The following NTN4 variants were observed in gnomAD, a reference collection of about 807,000 sequenced individuals.
NTN4 encodes the protein netrin-4.
Under a neutral mutation model 73.6 loss-of-function variants are expected in NTN4, and 32 were observed. The observed-to-expected ratio is 0.44, with a 90% CI of 0.33 to 0.58. The LOEUF is 0.58. NTN4 is among the 20% of genes least tolerant of loss of function. The pLI is 0.04. For synonymous variants in NTN4, 258 were observed against 287.5 expected, an observed-to-expected ratio of 0.90 and a Z score of 1.04; for missense variants, 654 against 798.3, an observed-to-expected ratio of 0.82 and a Z score of 2.18.
intron 7 of NTN4, among the ~76,000 whole-genome samples, chr12:95,676,560 G>A (rs943678464): frequency 2.0e-4 from 30 of 152,020 alleles, no homozygotes; most frequent in African/African-American, 7.0e-4. Context: ...AGGCCAATAG[G>A]ATCCAGCTAA....
Position 95,790,450 on chromosome 12 carries a change from C to T in NTN4, c.-141G>A. The T allele has an allele frequency of 1.2e-5, 8 of 670,320 alleles. No individual in the cohort carries two copies. Among genetic ancestry groups the T allele is most frequent in the Non-Finnish European group, 1.8e-5 (8 of 441,822 alleles). The allele number at this position is 670,320 out of a possible 1,614,324, so 41.5% of individuals were successfully genotyped here. A position where few individuals can be genotyped will look rare whatever the true frequency, so the allele number is the denominator to read the frequency against. On this transcript the variant is annotated 5_prime_UTR_variant, in exon 1 of 10. The change abolishes the stop of an existing upstream ORF in the 5' untranslated region. Coordinates refer to ENST00000343702, the MANE Select transcript of NTN4 (RefSeq NM_021229.4). This position sits in a 1 kb window ranked among gnomAD's most constrained non-coding sequence, Gnocchi z 6.5. Reference sequence around the variant, plus strand: ...CTCCTCCTGGGGCGCCGGGCTCGGTCAGCGGTCGCCGGCAGCTGGGAGCCA... The same window carrying T: ...CTCCTCCTGGGGCGCCGGGCTCGGTTAGCGGTCGCCGGCAGCTGGGAGCCA...
chr12:95,785,521 C>T (rs1197455136), intron 2 of NTN4, among the ~76,000 whole-genome samples: 1 of 152,204 alleles, frequency 6.6e-6, no homozygotes, highest in Non-Finnish European at 1.5e-5. Context: ...CTACTTGGTT[C>T]TGGTGCCAGC....
intron 3 of NTN4, among the ~76,000 whole-genome samples, chr12:95,717,167 A>G (rs2078612334): frequency 6.6e-6 from 1 of 152,080 alleles, no homozygotes; most frequent in African/African-American, 2.4e-5. Context: ...AGATGCTGCA[A>G]AGTACTGTGA....
chr12:95,787,179 T>C lies in NTN4; in HGVS notation c.345A>G (p.Glu115=). The change falls in exon 2 of 10, where the codon GAA becomes GAG. Residue 115 remains glutamate (E), a synonymous_variant. Coordinates refer to ENST00000343702, the MANE Select transcript of NTN4 (RefSeq NM_021229.4). ...WWQSAEDVHR[E]KIQLDLEAEF... ...CAGCTTCCAGGTCTAACTGGATCTTTTCTCTGTGCACATCCTCCGCAGACT... is the reference window on the plus strand; with the variant it reads ...CAGCTTCCAGGTCTAACTGGATCTTCTCTCTGTGCACATCCTCCGCAGACT... The C allele has an allele frequency of 6.2e-7, 1 of 1,614,218 alleles. No individual in the cohort carries two copies. Among genetic ancestry groups the C allele is most frequent in the Non-Finnish European group, 8.5e-7 (1 of 1,180,042 alleles).
intron 9 of NTN4, among the ~76,000 whole-genome samples, chr12:95,660,445 A>ATACAT (rs2078128440): frequency 6.6e-6 from 1 of 152,166 alleles, no homozygotes. Context: ...TTTGTTTGTC[A>ATACAT]TACATTAAAA....
intron 2 of NTN4, among the ~76,000 whole-genome samples, chr12:95,750,891 C>G (rs1248759471): frequency 6.6e-6 from 1 of 152,186 alleles, no homozygotes; most frequent in African/African-American, 2.4e-5. Flanking sequence ...CCGTGACTAG[C>G]CCTCCCCCAC....
At chr12:95,770,988 A>AT (rs1460848065) in intron 2 of NTN4, among the ~76,000 whole-genome samples, 13 of 58,100 alleles carry the variant, frequency 2.2e-4, no homozygotes, top group African/African-American at 5.7e-4. Context: ...CAGGAAAAGA[A>AT]TTTGTTTTTT....
chr12:95,767,164 C>T (rs1317939251), intron 2 of NTN4, among the ~76,000 whole-genome samples: 1 of 152,080 alleles, frequency 6.6e-6, no homozygotes, highest in African/African-American at 2.4e-5. Context: ...TTCTTCCCCA[C>T]CCCTCACCAC....
intron 3 of NTN4, among the ~76,000 whole-genome samples, chr12:95,720,945 A>C (rs117020899): frequency 2.0e-5 from 3 of 152,212 alleles, no homozygotes; most frequent in Admixed American, 1.3e-4. Context: ...AACCCCATAC[A>C]GTAGGTATAA....
chr12:95,724,003 C>A (rs1264296135), intron 3 of NTN4, among the ~76,000 whole-genome samples: 1 of 152,032 alleles, frequency 6.6e-6, no homozygotes, highest in Non-Finnish European at 1.5e-5. Flanking sequence ...CCATTTCTTA[C>A]CCTTCACATG....
At chr12:95,668,850 G>C (rs992862394) in intron 8 of NTN4, among the ~76,000 whole-genome samples, 2 of 152,184 alleles carry the variant, frequency 1.3e-5, no homozygotes. Flanking sequence ...ATTAGGTCAG[G>C]CGTGGTGGCT....
chr12:95,748,482 T>C (rs994833253), intron 2 of NTN4, among the ~76,000 whole-genome samples: 1 of 145,920 alleles, frequency 6.9e-6, no homozygotes, highest in East Asian at 2.0e-4. Flanking sequence ...TTTTCTTTTT[T>C]TTTTTTTTTT....
At chr12:95,728,517 T>C (rs2078711860) in intron 3 of NTN4, among the ~76,000 whole-genome samples, 1 of 152,224 alleles carries the variant, frequency 6.6e-6, no homozygotes, top group African/African-American at 2.4e-5. Context: ...TTAAGTTGAA[T>C]TGAATTAAGT....
chr12:95,750,982 A>G (rs199499126), intron 2 of NTN4, among the ~76,000 whole-genome samples: 3,755 of 152,218 alleles, frequency 0.025, 80 homozygotes, highest in South Asian at 0.12. Context: ...TTTATCCCAA[A>G]TCAGATAGCA....
chr12:95,704,606 A>T (rs1256654716), intron 5 of NTN4, among the ~76,000 whole-genome samples: 1 of 152,232 alleles, frequency 6.6e-6, no homozygotes, highest in African/African-American at 2.4e-5. Context: ...ATGCTCTCAA[A>T]CATACTCCTA....
At chr12:95,728,248 C>A (rs2078710174) in intron 3 of NTN4, among the ~76,000 whole-genome samples, 1 of 152,170 alleles carries the variant, frequency 6.6e-6, no homozygotes, top group Non-Finnish European at 1.5e-5. Flanking sequence ...TATAGGCTTA[C>A]TTCTTCCTTT....
chr12:95,670,161 T>G lies in NTN4; in HGVS notation c.1511-15A>C. 1 of 1,500,072 alleles carries G rather than the reference T, an allele frequency of 6.7e-7. No individual in the cohort carries two copies. Among genetic ancestry groups the G allele is most frequent in the Non-Finnish European group, 9.1e-7 (1 of 1,093,822 alleles). The allele number at this position is 1,500,072 out of a possible 1,614,324, so 92.9% of individuals were successfully genotyped here. A position where few individuals can be genotyped will look rare whatever the true frequency, so the allele number is the denominator to read the frequency against. Reference sequence around the variant, plus strand: ...TTCGCATTTACCTATGGAAAGTAAATTAAAAATGGTGTTAGTTATTAGAAA... The same window carrying G: ...TTCGCATTTACCTATGGAAAGTAAAGTAAAAATGGTGTTAGTTATTAGAAA... On this transcript the variant is annotated splice_polypyrimidine_tract_variant and intron_variant, in intron 7 of 9. Transcript: ENST00000343702.
At chr12:95,773,065 C>T (rs555420916) in intron 2 of NTN4, among the ~76,000 whole-genome samples, 26 of 151,358 alleles carry the variant, frequency 1.7e-4, no homozygotes, top group African/African-American at 5.3e-4. Context: ...TGAAGTGGCA[C>T]GATCTCGGCT....
intron 2 of NTN4, among the ~76,000 whole-genome samples, chr12:95,780,867 C>G (rs2079127739): frequency 1.3e-5 from 2 of 152,172 alleles, no homozygotes; most frequent in African/African-American, 4.8e-5. Flanking sequence ...TATTGCAGCA[C>G]TATTCACAAT....
Sources: gnomAD v4.1 joint callset for allele counts (sites outside exome capture counted in the v4.1 genomes callset) on GRCh38, gnomAD v4.1.1 for gene constraint, Gnocchi (gnomAD v3.1) non-coding constraint, MANE v1.5 for transcripts, NCBI Gene and HGNC (gene_info 2026-07-23, HGNC 2026-07-21) for gene names.